Variants in GARNL3 observed in about 807,000 individuals in gnomAD.
GARNL3 encodes the protein GTPase activating Rap/RanGAP domain like 3, also known as GTPase-activating Rap/Ran-GAP domain-like protein 3.
In GARNL3, 63 loss-of-function variants were observed where a neutral mutation model predicts 125.0. The ratio of observed to expected loss-of-function variants is 0.50; its 90% confidence interval spans 0.41 to 0.62. GARNL3 has a LOEUF of 0.62. Among genes scored for constraint, GARNL3 ranks in the 20% least tolerant of loss-of-function variants. GARNL3 has a pLI of 0.00. For synonymous variants in GARNL3, 439 were observed against 457.5 expected (o/e 0.96, Z 0.52); for missense variants, 994 against 1,244.0 (o/e 0.80, Z 3.02).
chr9:127,360,178 A>G (rs1430710000), intron 21 of GARNL3, among the ~76,000 whole-genome samples: 1 of 152,090 alleles, frequency 6.6e-6, no homozygotes, highest in East Asian at 1.9e-4. Flanking sequence ...CACAGCCACC[A>G]TGCCCAGCTA....
At chr9:127,270,523 TC>T (rs2063799378) in intron 1 of GARNL3, among the ~76,000 whole-genome samples, 1 of 152,170 alleles carries the variant, frequency 6.6e-6, no homozygotes, top group African/African-American at 2.4e-5. Context: ...CTCTTCCCTG[TC>T]CCAGGACCCC....
chr9:127,254,768 CAAA>C (rs35993565), intron 2 of GARNL3, among the ~76,000 whole-genome samples: 2 of 90,936 alleles, frequency 2.2e-5, no homozygotes. Flanking sequence ...GATTCTGTCT[CAAA>C]AAAAAAAAAA....
In GARNL3 at chr9:127,387,757, A is replaced by G. The variant is rs528883364; in HGVS notation, c.2527+426A>G. 4.9e-4 allele frequency among the ~76,000 whole-genome samples: 75 copies of G among 151,884 alleles called. 1 individual carries two copies. The South Asian group carries it at 7.7e-3, about 16-fold the overall frequency. The stretch of plus-strand genomic sequence containing the variant: ...GACTCTGTCTACAAAAAAAAAAAAA[A>G]AAAGAAAGAAATCTTGCAGTCTGAA... On this transcript the variant is annotated intron_variant, in intron 25 of 27. Transcript: ENST00000373387.
At position 127,266,639 on chromosome 9, in the gene GARNL3, T is replaced by C. The variant is rs1212469647; in HGVS notation, c.144+1618T>C. On this transcript the variant is annotated intron_variant, in intron 1 of 27. Coordinates refer to ENST00000373387, the MANE Select transcript of GARNL3 (RefSeq NM_032293.5). The surrounding 1 kb of genome is among the most constrained non-coding windows in gnomAD (Gnocchi z 4.0). ...CTATAAAATGGGGATATTTCTGTTA[T>C]CTACCTTAGAGGGTTGTTATGAGGA... is the stretch of plus-strand genomic sequence containing the variant. 6.6e-6 allele frequency among the ~76,000 whole-genome samples: 1 copy of C among 152,238 alleles called. No homozygotes were observed. The highest frequency in any genetic ancestry group is 1.9e-4 in the East Asian group (1 of 5,198).
intron 7 of GARNL3, among the ~76,000 whole-genome samples, chr9:127,330,910 C>T (rs1829197132): frequency 6.6e-6 from 1 of 152,132 alleles, no homozygotes; most frequent in South Asian, 2.1e-4. Context: ...TGTTCGGATG[C>T]ACAGCCTTAG....
chr9:127,372,323 A>G (rs1388300140), intron 22 of GARNL3, among the ~76,000 whole-genome samples: 1 of 152,174 alleles, frequency 6.6e-6, no homozygotes, highest in African/African-American at 2.4e-5. Flanking sequence ...TAAGAGTACC[A>G]AGAAAGAAGC....
chr9:127,365,275 C>T, intron 21 of GARNL3, 25 bp from the exon 22 acceptor site: 3 of 1,602,250 alleles, frequency 1.9e-6, no homozygotes, highest in Non-Finnish European at 2.6e-6. Context: ...AGCCTGCCCA[C>T]TACCGTTGCC....
chr9:127,333,002 A>C, intron 8 of GARNL3, 21 bp from the exon 9 acceptor site: 2 of 1,559,314 alleles, frequency 1.3e-6, no homozygotes, highest in Non-Finnish European at 1.8e-6. Flanking sequence ...TACTTTCCTC[A>C]TACTCTACTT....
chr9:127,383,071 G>C (rs1050896518), intron 22 of GARNL3, among the ~76,000 whole-genome samples: 1 of 152,186 alleles, frequency 6.6e-6, no homozygotes, highest in Non-Finnish European at 1.5e-5. Context: ...CACAGTGCTT[G>C]TGAGACTTTG....
At chr9:127,239,484 T>C (rs1219936501) in intron 1 of GARNL3, among the ~76,000 whole-genome samples, 1 of 152,224 alleles carries the variant, frequency 6.6e-6, no homozygotes, top group African/African-American at 2.4e-5. Flanking sequence ...CTACACTTAA[T>C]CATATGTAGC....
intron 2 of GARNL3, among the ~76,000 whole-genome samples, chr9:127,250,050 A>G (rs2063373362): frequency 6.6e-6 from 1 of 152,224 alleles, no homozygotes; most frequent in Admixed American, 6.5e-5. Flanking sequence ...TACTGATGGA[A>G]GGATTGCTGA....
In GARNL3 at chr9:127,385,101, G is replaced by A. The variant is rs552073061; in HGVS notation, c.2344G>A (p.Val782Ile). 2 of 1,612,666 alleles carry A rather than the reference G, an allele frequency of 1.2e-6. No individual in the cohort carries two copies. Among genetic ancestry groups the A allele is most frequent in the East Asian group, 2.2e-5 (1 of 44,822 alleles). Residue 782 changes from valine (V) to isoleucine (I), a missense_variant, in exon 24 of 28, where the codon GTC becomes ATC. Val to Ile is a conservative substitution (Grantham distance 29, BLOSUM62 3). Coordinates refer to ENST00000373387, the MANE Select transcript of GARNL3 (RefSeq NM_032293.5). The surrounding 1 kb of genome is among the most constrained non-coding windows in gnomAD (Gnocchi z 4.1). ...EIRLVVNGNL[V>I]HTAVVPQLQL... ...CCGCCTGGTGGTGAACGGGAACCTG[G>A]TCCACACTGCAGTCGTGCCGCAGCT...
At chr9:127,365,743 G>A (rs1831253858) in intron 22 of GARNL3, among the ~76,000 whole-genome samples, 1 of 152,158 alleles carries the variant, frequency 6.6e-6, no homozygotes, top group African/African-American at 2.4e-5. Flanking sequence ...TAGAGATGAG[G>A]CAACTGAGGC....
At chr9:127,300,335 G>A in intron 2 of GARNL3, 1 of 244,112 alleles carries the variant, frequency 4.1e-6, no homozygotes. Flanking sequence ...TTTTGGCTGT[G>A]TAACCTTTTC....
rs1334968821 is a variant in GARNL3, at chr9:127,384,074, G to A, written c.2269+529G>A. On this transcript the variant is annotated intron_variant, in intron 23 of 27. Coordinates refer to ENST00000373387, the MANE Select transcript of GARNL3 (RefSeq NM_032293.5). This position sits in a 1 kb window ranked among gnomAD's most constrained non-coding sequence, Gnocchi z 4.0. ...TGGAAGTCAGATCAGAGCCAAGAAT[G>A]TTCCAGTTCATTCTTTTGTCCTCAC... 1.3e-5 allele frequency among the ~76,000 whole-genome samples: 2 copies of A among 152,218 alleles called. No individual in the cohort carries two copies. Among genetic ancestry groups the A allele is most frequent in the Non-Finnish European group, 1.5e-5 (1 of 68,040 alleles).
chr9:127,277,589 A>G (rs1350947481), intron 1 of GARNL3, among the ~76,000 whole-genome samples: 2 of 151,860 alleles, frequency 1.3e-5, no homozygotes, highest in African/African-American at 4.8e-5. Flanking sequence ...CTTATGAAAT[A>G]AAGTAGGTAG....
At chr9:127,352,347 T>A (rs1177801829) in intron 17 of GARNL3, among the ~76,000 whole-genome samples, 1 of 152,212 alleles carries the variant, frequency 6.6e-6, no homozygotes, top group African/African-American at 2.4e-5. Flanking sequence ...ACCCTAAGCA[T>A]TAGGGTCTGG....
At chr9:127,339,541 G>C (rs1227824270) in intron 12 of GARNL3, 104 bp from the exon 13 acceptor site, 15 of 785,886 alleles carry the variant, frequency 1.9e-5, no homozygotes, top group Non-Finnish European at 3.1e-5. Context: ...CCCACCCATG[G>C]CATGTGGGAA....
chr9:127,393,328 T>G lies in GARNL3; in HGVS notation c.*74T>G. On this transcript the variant is annotated 3_prime_UTR_variant, in exon 28 of 28. Coordinates refer to ENST00000373387, the MANE Select transcript of GARNL3 (RefSeq NM_032293.5). Reference sequence around the variant, plus strand: ...ACTCTTTAAACAGTTCTGATGTAATTTCTCAACAAAATGTGGCTTTTAGCC... The same window carrying G: ...ACTCTTTAAACAGTTCTGATGTAATGTCTCAACAAAATGTGGCTTTTAGCC... The G allele has an allele frequency of 1.4e-6, 2 of 1,401,396 alleles. No individual in the cohort carries two copies. The highest frequency in any genetic ancestry group is 2.0e-6 in the Non-Finnish European group (2 of 1,018,914). The allele number at this position is 1,401,396 out of a possible 1,614,324, so 86.8% of individuals were successfully genotyped here. A position where few individuals can be genotyped will look rare whatever the true frequency, so the allele number is the denominator to read the frequency against.
Sources: allele counts gnomAD v4.1 joint callset (sites outside exome capture counted in the v4.1 genomes callset), GRCh38; gene constraint gnomAD v4.1.1; non-coding constraint Gnocchi (gnomAD v3.1); transcripts MANE v1.5; gene names NCBI Gene and HGNC (gene_info 2026-07-23, HGNC 2026-07-21).